The following CACNA1A variants were observed in gnomAD, a reference collection of about 807,000 sequenced individuals.
CACNA1A encodes the protein voltage-dependent P/Q-type calcium channel subunit alpha-1A.
In CACNA1A, 57 loss-of-function variants were observed where a neutral mutation model predicts 262.4. The observed-to-expected ratio is 0.22, with a 90% CI of 0.18 to 0.27. The LOEUF is 0.27. Among genes scored for constraint, CACNA1A ranks in the 10% least tolerant of loss-of-function variants. The pLI is 1.00. For missense variants in CACNA1A, 2,526 were observed against 3,562.8 expected, an observed-to-expected ratio of 0.71 and a Z score of 7.41; for synonymous variants, 1,431 against 1,419.3, an observed-to-expected ratio of 1.01 and a Z score of -0.18.
intron 11 of CACNA1A, among the ~76,000 whole-genome samples, chr19:13,315,085 GT>G (rs2058099947): frequency 6.6e-6 from 1 of 151,900 alleles, no homozygotes; most frequent in African/African-American, 2.4e-5. Context: ...ATCAAATCCG[GT>G]TTCTACCACA....
intron 17 of CACNA1A, among the ~76,000 whole-genome samples, chr19:13,300,934 C>T (rs765572975): frequency 4.1e-5 from 6 of 146,742 alleles, no homozygotes; most frequent in Non-Finnish European, 9.0e-5. Context: ...GACTTTCCTG[C>T]AGCCTATTTT....
chr19:13,481,616 A>C (rs776735666), intron 1 of CACNA1A, among the ~76,000 whole-genome samples: 4 of 152,158 alleles, frequency 2.6e-5, no homozygotes, highest in Non-Finnish European at 2.9e-5. Context: ...CGGCCAGTAC[A>C]GCTGGACCAG....
chr19:13,347,465 T>G (rs1191947439), intron 6 of CACNA1A, among the ~76,000 whole-genome samples: 2 of 152,094 alleles, frequency 1.3e-5, no homozygotes, highest in Non-Finnish European at 2.9e-5. Context: ...CCTCTAACAC[T>G]ATCTCTAAGG....
chr19:13,275,793 G>T, intron 24 of CACNA1A, 57 bp downstream of exon 24: 1 of 1,174,302 alleles, frequency 8.5e-7, no homozygotes, highest in Non-Finnish European at 1.3e-6. Context: ...CCGATGTGTG[G>T]CCCAGGCTGG....
chr19:13,418,549 T>C (rs968427414), intron 3 of CACNA1A, among the ~76,000 whole-genome samples: 12 of 152,168 alleles, frequency 7.9e-5, no homozygotes, highest in Non-Finnish European at 1.6e-4. Flanking sequence ...TGCAGTCATA[T>C]GTATCCTTAT....
At chr19:13,383,990 A>AT (rs987472326) in intron 3 of CACNA1A, among the ~76,000 whole-genome samples, 71 of 151,848 alleles carry the variant, frequency 4.7e-4, no homozygotes, top group African/African-American at 1.1e-3. Context: ...AATTTTTAAT[A>AT]TTTTTTTTGT....
chr19:13,406,266 C>T (rs1271823409), intron 3 of CACNA1A, among the ~76,000 whole-genome samples: 1 of 151,136 alleles, frequency 6.6e-6, no homozygotes, highest in East Asian at 2.0e-4. Context: ...ACCAGCCTGG[C>T]CAACATAGGT....
chr19:13,336,505 C>T lies in CACNA1A; in HGVS notation c.979-596G>A, dbSNP rs983580963. On this transcript the variant is annotated intron_variant, in intron 6 of 46. Coordinates refer to ENST00000360228, the MANE Select transcript of CACNA1A (RefSeq NM_001127222.2). The stretch of plus-strand genomic sequence containing the variant: ...ACTCTCTGAAACAGAAAATAGAACA[C>T]TATAGCAAGAAGGAAGTAAGATGAG... 4.7e-5 allele frequency among the ~76,000 whole-genome samples: 7 copies of T among 148,830 alleles called. No homozygotes were observed. In the East Asian group the frequency reaches 1.4e-3, roughly 29 times the overall value.
intron 1 of CACNA1A, among the ~76,000 whole-genome samples, chr19:13,499,758 G>C (rs1206547921): frequency 6.6e-6 from 1 of 152,132 alleles, no homozygotes; most frequent in East Asian, 1.9e-4. Context: ...CCAGAGTCCG[G>C]AGTGTTTTCC....
chr19:13,468,598 T>C (rs111291198), intron 1 of CACNA1A, among the ~76,000 whole-genome samples: 14,140 of 152,000 alleles, frequency 0.093, 989 homozygotes, highest in East Asian at 0.2. Context: ...ACCAGCTTGG[T>C]CAACATGGTG....
At chr19:13,413,571 TAAAAA>T (rs58314938) in intron 3 of CACNA1A, among the ~76,000 whole-genome samples, 2,287 of 71,866 alleles carry the variant, frequency 0.032, 40 homozygotes, top group Middle Eastern at 0.082. Flanking sequence ...GGTCCTGTCT[TAAAAA>T]AAAAAAAAAA....
intron 1 of CACNA1A, among the ~76,000 whole-genome samples, chr19:13,495,028 G>C (rs1981330238): frequency 6.6e-6 from 1 of 152,108 alleles, no homozygotes; most frequent in Non-Finnish European, 1.5e-5. Flanking sequence ...GAGTCTACCA[G>C]TCCACCACCA....
intron 1 of CACNA1A, among the ~76,000 whole-genome samples, chr19:13,466,180 A>AT (rs985877201): frequency 3.3e-5 from 5 of 150,278 alleles, no homozygotes; most frequent in South Asian, 2.1e-4. Context: ...ATTGCACCTG[A>AT]TTTTTTTTAA....
intron 3 of CACNA1A, among the ~76,000 whole-genome samples, chr19:13,392,015 G>A (rs1482903915): frequency 1.1e-4 from 16 of 148,692 alleles, no homozygotes; most frequent in African/African-American, 4.0e-4. Flanking sequence ...TGGTTGACAG[G>A]GTGAGACCAT....
chr19:13,378,379 G>A (rs1014620240), intron 3 of CACNA1A, among the ~76,000 whole-genome samples: 19 of 152,190 alleles, frequency 1.2e-4, no homozygotes, highest in Admixed American at 5.9e-4. Context: ...TGAAAGAACT[G>A]ACTCCAATTT....
rs2054774748 is a variant in CACNA1A, at chr19:13,210,604, G to T, written c.6339+13C>A. 1 of 1,560,064 alleles carries T rather than the reference G, an allele frequency of 6.4e-7. No individual in the cohort carries two copies. The highest frequency in any genetic ancestry group is 2.4e-5 in the East Asian group (1 of 41,724). On this transcript the variant is annotated intron_variant, in intron 44 of 46. Coordinates refer to ENST00000360228, the MANE Select transcript of CACNA1A (RefSeq NM_001127222.2). ...CGGAGCCCTGCTGGGCGCTGGGCAG[G>T]CGCGGTACATACACTGAGGTTATTC...
At chr19:13,340,417 G>A (rs1333245289) in intron 6 of CACNA1A, among the ~76,000 whole-genome samples, 2 of 134,942 alleles carry the variant, frequency 1.5e-5, no homozygotes, top group South Asian at 2.6e-4. Flanking sequence ...GAGGCACAGA[G>A]AGGTCTATTT....
intron 24 of CACNA1A, among the ~76,000 whole-genome samples, chr19:13,265,845 CTTT>C (rs769952734): frequency 3.6e-5 from 5 of 137,638 alleles, no homozygotes; most frequent in Non-Finnish European, 3.2e-5. Flanking sequence ...GTTAGATTTA[CTTT>C]TTTTTTTTTT....
At position 13,208,868 on chromosome 19, in the gene CACNA1A, G is replaced by A. The variant is rs1325565575; in HGVS notation, c.6668C>T (p.Pro2223Leu). Reference sequence around the variant, plus strand: ...TTCCTGGGCATAGCGGTCCTTGTCGGGGGGCGGGGGATGGTGGTGGTGGTG... The same window carrying A: ...TTCCTGGGCATAGCGGTCCTTGTCGAGGGGCGGGGGATGGTGGTGGTGGTG... The part of the protein sequence containing the change: ...HHHHHHHPPP[P>L]DKDRYAQERP... The change falls in exon 46 of 47, where the codon CCC (proline) becomes CTC (leucine). Residue 2223 changes from proline to leucine, a missense_variant. By Grantham distance (98) the Pro-to-Leu change is moderately conservative. This residue lies in a region of CACNA1A where 929 missense variants were observed against 868.1 expected (regional missense o/e 1.07). Coordinates refer to ENST00000360228, the MANE Select transcript of CACNA1A (RefSeq NM_001127222.2). 6.5e-7 allele frequency: 1 copy of A among 1,536,038 alleles called. No individual in the cohort carries two copies. Among genetic ancestry groups the A allele is most frequent in the African/African-American group, 1.4e-5 (1 of 72,998 alleles).
Sources: gnomAD v4.1 joint callset for allele counts (sites outside exome capture counted in the v4.1 genomes callset) on GRCh38, gnomAD v4.1.1 for gene constraint, gnomAD v4.1.1 regional missense constraint, MANE v1.5 for transcripts, NCBI Gene and HGNC (gene_info 2026-07-23, HGNC 2026-07-21) for gene names.